Variants in IGF2BP1 observed in about 807,000 individuals in gnomAD.
IGF2BP1 encodes the protein insulin-like growth factor 2 mRNA-binding protein 1.
In IGF2BP1, 11 loss-of-function variants were observed where a neutral mutation model predicts 74.9. The ratio of observed to expected loss-of-function variants is 0.15; its 90% confidence interval spans 0.09 to 0.24. IGF2BP1 has a LOEUF of 0.24. Among genes scored for constraint, IGF2BP1 ranks in the 10% least tolerant of loss-of-function variants. IGF2BP1 has a pLI of 1.00. For synonymous variants in IGF2BP1, 287 were observed against 281.8 expected (o/e 1.02, Z -0.18); for missense variants, 440 against 757.4 (o/e 0.58, Z 4.92).
intron 4 of IGF2BP1, 24 bp downstream of exon 4, chr17:49,026,541 T>C: frequency 1.2e-6 from 2 of 1,608,102 alleles, no homozygotes; most frequent in Non-Finnish European, 1.7e-6. Flanking sequence ...GGGTGTGGGG[T>C]GGCACTCGTG....
intron 12 of IGF2BP1, among the ~76,000 whole-genome samples, chr17:49,045,350 C>A (rs185615741): frequency 2.0e-5 from 3 of 152,332 alleles, no homozygotes; most frequent in Admixed American, 6.5e-5. Context: ...CTAAGGAAGG[C>A]CTTTAATGCC....
chr17:49,049,551 C>G lies in IGF2BP1; in HGVS notation c.*107C>G. 1 of 888,018 alleles carries G rather than the reference C, an allele frequency of 1.1e-6. No homozygotes were observed. The highest frequency in any genetic ancestry group is 1.6e-5 in the South Asian group (1 of 63,760). The allele number at this position is 888,018 out of a possible 1,614,324, so 55.0% of individuals were successfully genotyped here. On this transcript the variant is annotated 3_prime_UTR_variant, in exon 15 of 15. Transcript: ENST00000290341. ...GAGTGGGAATCCGGGACACCTGGGCCGGGCTGTAGATCAGGTTTGCCCACT... is the reference window on the plus strand; with the variant it reads ...GAGTGGGAATCCGGGACACCTGGGCGGGGCTGTAGATCAGGTTTGCCCACT...
At position 49,043,490 on chromosome 17, in the gene IGF2BP1, C is replaced by G; in HGVS notation, c.1140C>G (p.Ser380=). ...LAAVGLFPAS[S]SAVPPPPSSV... is the part of the protein sequence containing the mutation. The stretch of plus-strand genomic sequence containing the variant: ...CTGTAGGTCTTTTCCCAGCTTCATC[C>G]AGCGCAGTCCCGCCGCCTCCCAGCA... Residue 380 remains serine (S), a synonymous_variant, in exon 10 of 15, where the codon TCC becomes TCG. Coordinates refer to ENST00000290341, the MANE Select transcript of IGF2BP1 (RefSeq NM_006546.4). 1 of 1,614,094 alleles carries G rather than the reference C, an allele frequency of 6.2e-7. No individual in the cohort carries two copies. Among genetic ancestry groups the G allele is most frequent in the Non-Finnish European group, 8.5e-7 (1 of 1,179,996 alleles).
intron 7 of IGF2BP1, 26 bp downstream of exon 7, chr17:49,040,117 T>C (rs1227189044): frequency 6.2e-7 from 1 of 1,613,162 alleles, no homozygotes; most frequent in South Asian, 1.1e-5. Flanking sequence ...TTCTTGGATC[T>C]TCAGGGTCTG....
chr17:49,045,125 CT>C, intron 12 of IGF2BP1, 60 bp downstream of exon 12: 1 of 1,459,576 alleles, frequency 6.9e-7, no homozygotes, highest in Non-Finnish European at 9.6e-7. Flanking sequence ...GGTATTTCCC[CT>C]GAGGTAGGAA....
chr17:49,040,180 T>C (rs1459624055), intron 7 of IGF2BP1, 89 bp downstream of exon 7: 13 of 1,384,514 alleles, frequency 9.4e-6, no homozygotes, highest in South Asian at 9.2e-5. Flanking sequence ...TACAGACATA[T>C]AAGAAATACA....
At chr17:49,022,607 TCCCC>T (rs1370913498) in intron 2 of IGF2BP1, among the ~76,000 whole-genome samples, 1 of 151,902 alleles carries the variant, frequency 6.6e-6, no homozygotes, top group Non-Finnish European at 1.5e-5. Context: ...CCTGCCCTCC[TCCCC>T]CTCCCTCTCC....
Position 49,055,466 on chromosome 17 carries a change from A to G in IGF2BP1, c.*6022A>G. ...TCCCCTGCCAATAAGCTCCCCCAGGAATAAAGGCTTTGTTTTGGGGATGCT... is the reference window on the plus strand; with the variant it reads ...TCCCCTGCCAATAAGCTCCCCCAGGGATAAAGGCTTTGTTTTGGGGATGCT... On this transcript the variant is annotated 3_prime_UTR_variant, in exon 15 of 15. Transcript: ENST00000290341. 3 of 338,078 alleles carry G rather than the reference A, an allele frequency of 8.9e-6. No individual in the cohort carries two copies. The highest frequency in any genetic ancestry group is 1.1e-5 in the Non-Finnish European group (2 of 187,840). The allele number at this position is 338,078 out of a possible 1,614,324, so 20.9% of individuals were successfully genotyped here. A position where few individuals can be genotyped will look rare whatever the true frequency, so the allele number is the denominator to read the frequency against.
chr17:49,005,089 T>G (rs974423859), intron 2 of IGF2BP1, among the ~76,000 whole-genome samples: 4 of 152,194 alleles, frequency 2.6e-5, no homozygotes, highest in Admixed American at 2.6e-4. Context: ...TAAAATTTAT[T>G]GCAGAGCCTG....
chr17:48,997,994 C>T lies in IGF2BP1; in HGVS notation c.175+74C>T. 1 of 1,523,878 alleles carries T rather than the reference C, an allele frequency of 6.6e-7. No individual in the cohort carries two copies. The highest frequency in any genetic ancestry group is 1.2e-5 in the South Asian group (1 of 81,630). 94.4% of individuals were successfully genotyped at this position (1,523,878 alleles called of 1,614,324 possible). A position where few individuals can be genotyped will look rare whatever the true frequency, so the allele number is the denominator to read the frequency against. On this transcript the variant is annotated intron_variant, in intron 1 of 14. Transcript: ENST00000290341. The surrounding 1 kb of genome is among the most constrained non-coding windows in gnomAD (Gnocchi z 4.8). ...AACGGAGACCCGCACCTTCCGGTTC[C>T]TCTCCCGCCAACTCCTCTCTTCCCG...
rs373702055 is a variant in IGF2BP1, at chr17:49,038,264, G to A, written c.498G>A (p.Gly166=). The change falls in exon 6 of 15, where the codon GGG becomes GGA. Residue 166 remains glycine, a synonymous_variant. Transcript: ENST00000290341. ...AGATAGCACAGGGACCTGAGAATGG[G>A]CGCCGAGGGGGCTTTGGCTCTCGGG... ...DEQIAQGPEN[G]RRGGFGSRGQ... 3.7e-6 allele frequency: 6 copies of A among 1,600,146 alleles called. No homozygotes were observed. The African/African-American group carries it at 4.0e-5, about 11-fold the overall frequency.
chr17:49,036,827 T>A (rs1183329570), intron 5 of IGF2BP1: 1 of 155,088 alleles, frequency 6.4e-6, no homozygotes, highest in Non-Finnish European at 1.4e-5. Flanking sequence ...CGCATGCCTG[T>A]AATCCCAGCT....
At position 49,055,407 on chromosome 17, in the gene IGF2BP1, C is replaced by G. The variant is rs997443105; in HGVS notation, c.*5963C>G. On this transcript the variant is annotated 3_prime_UTR_variant, in exon 15 of 15. Coordinates refer to ENST00000290341, the MANE Select transcript of IGF2BP1 (RefSeq NM_006546.4). ...CTGTGCTTCTCTCCCTTCTCCCCTCCCAGCCAGCTGACTTCAGTCACCCCT... is the reference window on the plus strand; with the variant it reads ...CTGTGCTTCTCTCCCTTCTCCCCTCGCAGCCAGCTGACTTCAGTCACCCCT... 2.7e-6 allele frequency: 1 copy of G among 368,646 alleles called. No individual in the cohort carries two copies. Among genetic ancestry groups the G allele is most frequent in the Non-Finnish European group, 4.8e-6 (1 of 207,404 alleles). 22.8% of individuals were successfully genotyped at this position (368,646 alleles called of 1,614,324 possible).
chr17:48,999,796 T>C (rs2041462587), intron 2 of IGF2BP1, among the ~76,000 whole-genome samples: 1 of 151,864 alleles, frequency 6.6e-6, no homozygotes, highest in Admixed American at 6.6e-5. Flanking sequence ...GGCTGTACTA[T>C]CCTTTTCGAG....
rs1195041720 is a variant in IGF2BP1, at chr17:49,049,545, C to G, written c.*101C>G. 8.7e-6 allele frequency: 8 copies of G among 918,548 alleles called. No homozygotes were observed. In the East Asian group the frequency reaches 2.1e-4, roughly 24 times the overall value. The allele number at this position is 918,548 out of a possible 1,614,324, so 56.9% of individuals were successfully genotyped here. The stretch of plus-strand genomic sequence containing the variant: ...GAGAATGAGTGGGAATCCGGGACAC[C>G]TGGGCCGGGCTGTAGATCAGGTTTG... On this transcript the variant is annotated 3_prime_UTR_variant, in exon 15 of 15. Coordinates refer to ENST00000290341, the MANE Select transcript of IGF2BP1 (RefSeq NM_006546.4).
At chr17:49,026,374 C>A in intron 3 of IGF2BP1, 92 bp from the exon 4 acceptor site, 1 of 1,109,102 alleles carries the variant, frequency 9.0e-7, no homozygotes, top group Non-Finnish European at 1.4e-6. Context: ...CTGTCAATGC[C>A]CGATTGCTTT....
At chr17:49,045,458 T>C (rs538762885) in intron 12 of IGF2BP1, among the ~76,000 whole-genome samples, 77 of 152,228 alleles carry the variant, frequency 5.1e-4, no homozygotes, top group South Asian at 3.1e-3. Context: ...ACCTAACATA[T>C]GTGAGGATAG....
At position 48,997,950 on chromosome 17, in the gene IGF2BP1, C is replaced by T. The variant is rs1567805725; in HGVS notation, c.175+30C>T. 2.5e-6 allele frequency: 4 copies of T among 1,606,728 alleles called. No homozygotes were observed. Among genetic ancestry groups the T allele is most frequent in the Non-Finnish European group, 2.6e-6 (3 of 1,175,936 alleles). On this transcript the variant is annotated intron_variant, in intron 1 of 14. Transcript: ENST00000290341. The surrounding 1 kb of genome is among the most constrained non-coding windows in gnomAD (Gnocchi z 4.8). Reference sequence around the variant, plus strand: ...GAACACAGCCACCTCCCGGAAAAGCCACAACGAGAGCCCCGAACAACGGAG... The same window carrying T: ...GAACACAGCCACCTCCCGGAAAAGCTACAACGAGAGCCCCGAACAACGGAG...
chr17:49,024,224 C>T lies in IGF2BP1; in HGVS notation c.237-1394C>T, dbSNP rs146924174. Among the ~76,000 whole-genome samples the T allele has an allele frequency of 7.9e-5, 12 of 151,482 alleles. No individual in the cohort carries two copies. In the East Asian group the frequency reaches 2.1e-3, roughly 27 times the overall value. On this transcript the variant is annotated intron_variant, in intron 2 of 14. Coordinates refer to ENST00000290341, the MANE Select transcript of IGF2BP1 (RefSeq NM_006546.4). Reference sequence around the variant, plus strand: ...GGGATTACAGGCGTGAGCCACCGCGCGTGGCTAAAAATTACATTTTAAAGA... The same window carrying T: ...GGGATTACAGGCGTGAGCCACCGCGTGTGGCTAAAAATTACATTTTAAAGA...
Sources: allele counts gnomAD v4.1 joint callset (sites outside exome capture counted in the v4.1 genomes callset), GRCh38; gene constraint gnomAD v4.1.1; non-coding constraint Gnocchi (gnomAD v3.1); transcripts MANE v1.5; gene names NCBI Gene and HGNC (gene_info 2026-07-23, HGNC 2026-07-21).